The following MEGF6 variants were observed in gnomAD, a reference collection of about 807,000 sequenced individuals.
The protein encoded by MEGF6 is multiple epidermal growth factor-like domains protein 6.
In MEGF6, 184 loss-of-function variants were observed where a neutral mutation model predicts 207.1. The observed-to-expected ratio is 0.89, with a 90% CI of 0.79 to 1.00. The LOEUF is 1.00. Ranked by LOEUF, MEGF6 falls within the 50% of genes least tolerant of loss-of-function variation. The pLI, the probability that MEGF6 is intolerant of heterozygous loss-of-function variation, is 0.00. For missense variants in MEGF6, 2,282 were observed against 2,202.9 expected, an observed-to-expected ratio of 1.04 and a Z score of -0.72; for synonymous variants, 1,038 against 910.0, an observed-to-expected ratio of 1.14 and a Z score of -2.53.
At chr1:3,524,367 C>A in intron 4 of MEGF6, 121 bp from the exon 5 acceptor site, 1 of 1,294,492 alleles carries the variant, frequency 7.7e-7, no homozygotes, top group Non-Finnish European at 1.1e-6. Flanking sequence ...GGGCACCACC[C>A]ATGAGCCCCT....
At chr1:3,540,563 CT>C (rs1247723977) in intron 4 of MEGF6, among the ~76,000 whole-genome samples, 3 of 152,232 alleles carry the variant, frequency 2.0e-5, no homozygotes, top group Non-Finnish European at 4.4e-5. Flanking sequence ...GCTGTGTTTG[CT>C]TGTTCACTCC....
At chr1:3,520,634 C>T (rs1026104097) in intron 5 of MEGF6, among the ~76,000 whole-genome samples, 1 of 152,140 alleles carries the variant, frequency 6.6e-6, no homozygotes, top group African/African-American at 2.4e-5. Flanking sequence ...GGCAATGGGG[C>T]ACACCAGGAC....
intron 4 of MEGF6, among the ~76,000 whole-genome samples, chr1:3,538,888 C>T (rs917986834): frequency 6.6e-6 from 1 of 152,144 alleles, no homozygotes; most frequent in African/African-American, 2.4e-5. Flanking sequence ...GCCCCGGGGC[C>T]CAGACTCTTG....
intron 3 of MEGF6, among the ~76,000 whole-genome samples, chr1:3,582,702 C>A (rs149128111): frequency 4.9e-4 from 74 of 152,314 alleles, no homozygotes; most frequent in African/African-American, 1.7e-3. Flanking sequence ...TGGCCTCACC[C>A]CAGACTCAGC....
At chr1:3,611,064 G>A in intron 1 of MEGF6, 74 bp downstream of exon 1, 1 of 1,377,778 alleles carries the variant, frequency 7.3e-7, no homozygotes, top group Non-Finnish European at 9.3e-7. Flanking sequence ...CTCGGAGCTC[G>A]GTCCACCACG....
At position 3,595,438 on chromosome 1, in the gene MEGF6, G is replaced by A. The variant is rs766800785; in HGVS notation, c.276C>T (p.Tyr92=). The change falls in exon 3 of 37, where the codon TAC becomes TAT. Residue 92 remains tyrosine, a synonymous_variant. Coordinates refer to ENST00000356575, the MANE Select transcript of MEGF6 (RefSeq NM_001409.4). The part of the protein sequence containing the change: ...WCVGHERRTV[Y]YMGYRQVYTT... ...TATACACCTGCCTGTAGCCCATGTA[G>A]TAGACGGTTCTAGAAAGAAAGAGAG... 1 of 1,612,496 alleles carries A rather than the reference G, an allele frequency of 6.2e-7. No individual in the cohort carries two copies. The highest frequency in any genetic ancestry group is 1.7e-5 in the Admixed American group (1 of 60,008).
At chr1:3,551,580 G>A (rs1005202675) in intron 4 of MEGF6, among the ~76,000 whole-genome samples, 1 of 152,152 alleles carries the variant, frequency 6.6e-6, no homozygotes, top group Admixed American at 6.5e-5. Flanking sequence ...CATGCTCCCA[G>A]GATGCGGTCC....
At chr1:3,508,835 G>C (rs1490288922) in intron 12 of MEGF6, 146 bp from the exon 13 acceptor site, 3 of 1,164,260 alleles carry the variant, frequency 2.6e-6, no homozygotes, top group Non-Finnish European at 3.6e-6. Context: ...CATGGGGACA[G>C]ATGCTGGGGC....
chr1:3,551,090 G>A (rs374354790), intron 4 of MEGF6, among the ~76,000 whole-genome samples: 12 of 152,146 alleles, frequency 7.9e-5, no homozygotes, highest in Non-Finnish European at 1.6e-4. Context: ...GCAGCTCCCC[G>A]CTAGCGATGC....
chr1:3,552,448 G>A (rs1480477990), intron 4 of MEGF6, among the ~76,000 whole-genome samples: 5 of 152,252 alleles, frequency 3.3e-5, no homozygotes, highest in Admixed American at 1.3e-4. Flanking sequence ...CGTAATCCCA[G>A]CACTCTGGGA....
intron 4 of MEGF6, among the ~76,000 whole-genome samples, chr1:3,544,605 AC>A (rs1378648652): frequency 6.6e-6 from 1 of 151,100 alleles, no homozygotes; most frequent in Non-Finnish European, 1.5e-5. Flanking sequence ...TGCTCCACAC[AC>A]CGCAGCCCTG....
chr1:3,598,807 G>A (rs1456673492), intron 2 of MEGF6, among the ~76,000 whole-genome samples: 1 of 151,976 alleles, frequency 6.6e-6, no homozygotes, highest in Non-Finnish European at 1.5e-5. Context: ...GGCCTGGCAG[G>A]AGGGACCTGA....
intron 2 of MEGF6, 55 bp downstream of exon 2, chr1:3,602,411 G>T (rs1403290182): frequency 6.2e-7 from 1 of 1,610,906 alleles, no homozygotes; most frequent in Non-Finnish European, 8.5e-7. Context: ...CGGGTGGTCA[G>T]TGCCGCCCTT....
At chr1:3,543,811 C>T (rs551320544) in intron 4 of MEGF6, among the ~76,000 whole-genome samples, 229 of 152,340 alleles carry the variant, frequency 1.5e-3, no homozygotes, top group African/African-American at 4.6e-3. Context: ...GGTCGAGGCC[C>T]GGGCCTAATG....
chr1:3,555,391 A>AC (rs1382832466), intron 4 of MEGF6, among the ~76,000 whole-genome samples: 5 of 152,018 alleles, frequency 3.3e-5, no homozygotes, highest in African/African-American at 9.6e-5. Context: ...GGTGTGGCTG[A>AC]CCCCCAAGCC....
chr1:3,534,612 A>G lies in MEGF6; in HGVS notation c.482-10366T>C, dbSNP rs567842458. Among the ~76,000 whole-genome samples, 168 of 152,286 alleles carry G rather than the reference A, an allele frequency of 1.1e-3. 1 individual carries two copies. Among genetic ancestry groups the G allele is most frequent in the African/African-American group, 3.9e-3 (161 of 41,560 alleles). ...GGAGGCCGAGTCTGGAGGCCTGACC[A>G]TGCCCCTTCCCGGCCCTTTGCTCCA... is the stretch of plus-strand genomic sequence containing the variant. On this transcript the variant is annotated intron_variant, in intron 4 of 36. Coordinates refer to ENST00000356575, the MANE Select transcript of MEGF6 (RefSeq NM_001409.4).
chr1:3,510,792 C>T lies in MEGF6; in HGVS notation c.1225G>A (p.Gly409Ser), dbSNP rs754492492. The T allele has an allele frequency of 1.9e-5, 30 of 1,604,894 alleles. No homozygotes were observed. Among genetic ancestry groups the T allele is most frequent in the Admixed American group, 5.0e-5 (3 of 59,766 alleles). ...GCAGGGCAGTGCTCACCCTCACAGCCGCAGCCATCGGCACTGAGCCGGTAG... is the reference window on the plus strand; with the variant it reads ...GCAGGGCAGTGCTCACCCTCACAGCTGCAGCCATCGGCACTGAGCCGGTAG... ...AGYRLSADGCGCEDVDECASS... is the reference protein window; with the variant it reads ...AGYRLSADGCSCEDVDECASS... Residue 409 changes from glycine (G) to serine (S), a missense_variant, in exon 10 of 37, where the codon GGC becomes AGC. Transcript: ENST00000356575.
At position 3,489,535 on chromosome 1, in the gene MEGF6, G is replaced by C. The variant is rs1393920779; in HGVS notation, c.*993C>G. ...TGAGTGCCAGGTGCTCGGGAGGGCT[G>C]GTCTGTCCTCACCCAGGGAGTCCCT... On this transcript the variant is annotated 3_prime_UTR_variant, in exon 37 of 37. Coordinates refer to ENST00000356575, the MANE Select transcript of MEGF6 (RefSeq NM_001409.4). Among the ~76,000 whole-genome samples the C allele has an allele frequency of 6.6e-6, 1 of 152,154 alleles. No individual in the cohort carries two copies. Among genetic ancestry groups the C allele is most frequent in the Non-Finnish European group, 1.5e-5 (1 of 68,010 alleles).
chr1:3,564,299 C>G (rs931466535), intron 4 of MEGF6, among the ~76,000 whole-genome samples: 1 of 151,246 alleles, frequency 6.6e-6, no homozygotes, highest in Non-Finnish European at 1.5e-5. Flanking sequence ...CTTTGTTATG[C>G]GAGGTGAACA....
Sources: gnomAD v4.1 joint callset for allele counts (sites outside exome capture counted in the v4.1 genomes callset) on GRCh38, gnomAD v4.1.1 for gene constraint, MANE v1.5 for transcripts, NCBI Gene and HGNC (gene_info 2026-07-23, HGNC 2026-07-21) for gene names.